Variants in ITIH6 observed in about 807,000 individuals in gnomAD.
ITIH6 encodes the protein inter-alpha-trypsin inhibitor heavy chain family member 6, also known as inter-alpha-trypsin inhibitor heavy chain H6.
Under a neutral mutation model 58.2 loss-of-function variants are expected in ITIH6, and 60 were observed. The ratio of observed to expected loss-of-function variants is 1.03; its 90% CI spans 0.84 to 1.28. The LOEUF is 1.28. Ranked by LOEUF, ITIH6 falls within the 50% of genes most tolerant of loss-of-function variation. The pLI is 0.00. For missense variants in ITIH6, 1,290 were observed against 1,021.1 expected, an observed-to-expected ratio of 1.26 and a Z score of -3.59; for synonymous variants, 493 against 417.4, an observed-to-expected ratio of 1.18 and a Z score of -2.21.
Position 54,792,422 on chromosome X carries a change from C to T in ITIH6, c.258-386G>A, listed in dbSNP as rs371089262. On this transcript the variant is annotated intron_variant, in intron 2 of 12. Coordinates refer to ENST00000218436, the MANE Select transcript of ITIH6 (RefSeq NM_198510.3). Reference sequence around the variant, plus strand: ...TTGTTATGTATTTACAGTAATGTTTCTTAAATTACAACTAGCACATTAAAC... The same window carrying T: ...TTGTTATGTATTTACAGTAATGTTTTTTAAATTACAACTAGCACATTAAAC... Among the ~76,000 whole-genome samples the T allele has an allele frequency of 7.2e-5, 8 of 111,837 alleles. No individual in the cohort carries two copies. The East Asian group carries it at 2.2e-3, about 31-fold the overall frequency.
intron 5 of ITIH6, among the ~76,000 whole-genome samples, chrX:54,784,724 C>T (rs889769325): frequency 9.0e-6 from 1 of 111,345 alleles, no homozygotes; most frequent in Non-Finnish European, 1.9e-5. Context: ...AGAAAAGGGA[C>T]CCCCATACAC....
At chrX:54,783,404 TG>T (rs775975476) in intron 5 of ITIH6, among the ~76,000 whole-genome samples, 24 of 112,108 alleles carry the variant, frequency 2.1e-4, no homozygotes, top group Non-Finnish European at 3.8e-4. Flanking sequence ...AAATTATCCT[TG>T]TTTGCAGATG....
chrX:54,760,906 A>G (rs774796512), intron 6 of ITIH6, among the ~76,000 whole-genome samples: 252 of 111,761 alleles, frequency 2.3e-3, no homozygotes, highest in African/African-American at 7.8e-3. Context: ...ATACGTGTGC[A>G]TGTGTCTTTA....
chrX:54,769,411 G>A (rs1347147344), intron 6 of ITIH6, among the ~76,000 whole-genome samples: 26 of 100,965 alleles, frequency 2.6e-4, no homozygotes, highest in South Asian at 4.8e-4. Flanking sequence ...GCTTTGTTCC[G>A]TTGCTGGTGA....
rs1234401842 is a variant in ITIH6, at chrX:54,750,996, C to A, written c.3730+7G>T. On this transcript the variant is annotated splice_region_variant and intron_variant, in intron 12 of 12. Coordinates refer to ENST00000218436, the MANE Select transcript of ITIH6 (RefSeq NM_198510.3). ...CCCTGGCCCCTCTCAGCCTCAGCTG[C>A]ACTTACCTATCAGGCCACGGGCTGA... The A allele has an allele frequency of 8.7e-7, 1 of 1,146,115 alleles. No homozygotes were observed. Among genetic ancestry groups the A allele is most frequent in the Admixed American group, 2.8e-5 (1 of 36,339 alleles). The allele number at this position is 1,146,115 out of a possible 1,213,427, so 94.5% of individuals were successfully genotyped here.
At chrX:54,777,649 C>T (rs757121180) in intron 5 of ITIH6, among the ~76,000 whole-genome samples, 1 of 112,024 alleles carries the variant, frequency 8.9e-6, no homozygotes, top group Non-Finnish European at 1.9e-5. Context: ...GTAAGGAAAG[C>T]GAATTAGTCT....
intron 12 of ITIH6, 31 bp downstream of exon 12, chrX:54,750,972 C>A (rs1928339448): frequency 9.0e-7 from 1 of 1,116,363 alleles, no homozygotes; most frequent in Non-Finnish European, 1.2e-6. Flanking sequence ...GCTGGTGCTC[C>A]CTGGCCCCTC....
At chrX:54,774,218 A>G (rs776517810) in intron 5 of ITIH6, 21 bp from the exon 6 acceptor site, 1 of 914,532 alleles carries the variant, frequency 1.1e-6, no homozygotes, top group East Asian at 3.3e-5. Context: ...AAAAAAAAAA[A>G]AAAAGTAGAA....
At chrX:54,764,915 G>C (rs1385071888) in intron 6 of ITIH6, among the ~76,000 whole-genome samples, 1 of 98,738 alleles carries the variant, frequency 1.0e-5, no homozygotes. Flanking sequence ...ATCCTCTCCA[G>C]CACCTGTTGT....
chrX:54,757,432 A>T lies in ITIH6; in HGVS notation c.2642T>A (p.Met881Lys), dbSNP rs764812369. 1 of 1,207,859 alleles carries T rather than the reference A, an allele frequency of 8.3e-7. No homozygotes were observed. The highest frequency in any genetic ancestry group is 3.0e-5 in the East Asian group (1 of 33,730). The change falls in exon 8 of 13, where the codon ATG (methionine) becomes AAG (lysine). Residue 881 changes from methionine (M) to lysine (K), a missense_variant. Met to Lys is a moderately conservative substitution (Grantham distance 95). Coordinates refer to ENST00000218436, the MANE Select transcript of ITIH6 (RefSeq NM_198510.3). ...TCTAGGAGGTAGTGGGGTTTGAGGC[A>T]TATGGGGGTTTGGGGTCTCAGGCTT... ...LSKPETPNPH[M>K]PQTPLPPRPD...
intron 4 of ITIH6, 39 bp from the exon 5 acceptor site, chrX:54,788,688 G>C: frequency 9.1e-7 from 1 of 1,097,669 alleles, no homozygotes; most frequent in South Asian, 1.9e-5. Context: ...GTGGTACAGA[G>C]GACTCGCAAG....
In ITIH6 at chrX:54,749,279, T is replaced by C. The variant is rs945563013; in HGVS notation, c.*616A>G. On this transcript the variant is annotated 3_prime_UTR_variant, in exon 13 of 13. Coordinates refer to ENST00000218436, the MANE Select transcript of ITIH6 (RefSeq NM_198510.3). ...GCCCTCAAAGATCTCACAGTCTAAG[T>C]CAGGGATCCAGACAAGTAAACAGAT... The C allele has an allele frequency of 4.5e-5, 5 of 111,539 alleles. No individual in the cohort carries two copies. The highest frequency in any genetic ancestry group is 6.5e-5 in the African/African-American group (2 of 30,561). 9.2% of individuals were successfully genotyped at this position (111,539 alleles called of 1,213,427 possible).
At chrX:54,788,694 G>A (rs1472625502) in intron 4 of ITIH6, 45 bp from the exon 5 acceptor site, 3 of 1,070,328 alleles carry the variant, frequency 2.8e-6, no homozygotes, top group Non-Finnish European at 3.9e-6. Context: ...CAGAGGACTC[G>A]CAAGACAGAA....
At chrX:54,793,105 C>G (rs187809191) in intron 2 of ITIH6, among the ~76,000 whole-genome samples, 37 of 111,497 alleles carry the variant, frequency 3.3e-4, no homozygotes, top group African/African-American at 1.2e-3. Context: ...GACTTGTGCC[C>G]TGAACTTCAG....
At chrX:54,797,309 C>T (rs1033834310) in intron 1 of ITIH6, among the ~76,000 whole-genome samples, 1 of 112,017 alleles carries the variant, frequency 8.9e-6, no homozygotes, top group Non-Finnish European at 1.9e-5. Context: ...CCAAGACTCA[C>T]AGAAGATTAG....
intron 6 of ITIH6, among the ~76,000 whole-genome samples, chrX:54,765,747 C>G (rs1271333902): frequency 9.1e-6 from 1 of 110,334 alleles, no homozygotes; most frequent in Non-Finnish European, 1.9e-5. Flanking sequence ...TTCCATTGAT[C>G]TATATCTCTG....
At chrX:54,765,912 A>T (rs1478738248) in intron 6 of ITIH6, among the ~76,000 whole-genome samples, 3 of 111,116 alleles carry the variant, frequency 2.7e-5, no homozygotes, top group Admixed American at 9.6e-5. Flanking sequence ...AAAGTAGTTT[A>T]TTCCAATTCT....
In ITIH6 at chrX:54,758,094, T is replaced by A; in HGVS notation, c.1980A>T (p.Lys660Asn). 1 of 1,211,240 alleles carries A rather than the reference T, an allele frequency of 8.3e-7. No individual in the cohort carries two copies. Among genetic ancestry groups the A allele is most frequent in the Non-Finnish European group, 1.1e-6 (1 of 895,303 alleles). Reference sequence around the variant, plus strand: ...AGAACTTTGGTTTCACAGGCCTTGATTTGGGGGAGATGACCTTGGGCACCA... The same window carrying A: ...AGAACTTTGGTTTCACAGGCCTTGAATTGGGGGAGATGACCTTGGGCACCA... ...PALVPKVISP[K>N]SRPVKPKFYL... The change falls in exon 8 of 13, where the codon AAA becomes AAT. Residue 660 changes from lysine to asparagine, a missense_variant. Transcript: ENST00000218436.
chrX:54,771,793 A>T, intron 6 of ITIH6, among the ~76,000 whole-genome samples: 1 of 111,947 alleles, frequency 8.9e-6, no homozygotes, highest in East Asian at 2.8e-4. Context: ...ATGAGATACC[A>T]TCTTACACCA....
Sources: gnomAD v4.1 joint callset for allele counts (sites outside exome capture counted in the v4.1 genomes callset) on GRCh38, gnomAD v4.1.1 for gene constraint, MANE v1.5 for transcripts, NCBI Gene and HGNC (gene_info 2026-07-23, HGNC 2026-07-21) for gene names.